The following TFEC variants were observed in gnomAD, a reference collection of about 807,000 sequenced individuals.
TFEC encodes the protein class E basic helix-loop-helix protein 34.
In TFEC, 31 loss-of-function variants were observed where a neutral mutation model predicts 41.6. That is an observed-to-expected ratio of 0.74 (90% CI 0.56 to 1.01). TFEC has a LOEUF of 1.01. TFEC is among the 50% of genes least tolerant of loss of function. TFEC has a pLI of 0.00. For synonymous variants in TFEC, 143 were observed against 140.6 expected (o/e 1.02, Z -0.12); for missense variants, 402 against 404.1 (o/e 0.99, Z 0.04).
intron 3 of TFEC, among the ~76,000 whole-genome samples, chr7:115,964,818 C>T (rs1176564810): frequency 6.6e-6 from 1 of 151,570 alleles, no homozygotes; most frequent in African/African-American, 2.4e-5. Context: ...TTTACAGTAT[C>T]AGTCTATCTC....
intron 5 of TFEC, 120 bp downstream of exon 5, chr7:115,954,466 G>T: frequency 1.6e-6 from 1 of 611,750 alleles, no homozygotes; most frequent in Non-Finnish European, 2.7e-6. Context: ...CAAGTTATAT[G>T]TGCAATTAAT....
chr7:116,101,244 A>G (rs1001041746), intron 3 of TFEC, among the ~76,000 whole-genome samples: 1 of 148,912 alleles, frequency 6.7e-6, no homozygotes, highest in African/African-American at 2.5e-5. Flanking sequence ...GAGGATGGAC[A>G]CAAAGACTGA....
At chr7:115,999,346 C>A (rs368016359) in intron 1 of TFEC, among the ~76,000 whole-genome samples, 3 of 151,712 alleles carry the variant, frequency 2.0e-5, no homozygotes, top group East Asian at 1.9e-4. Flanking sequence ...AAAAGCAGTA[C>A]TAAGAGGAAA....
intron 3 of TFEC, among the ~76,000 whole-genome samples, chr7:116,041,135 T>C (rs1177934150): frequency 1.3e-5 from 2 of 152,158 alleles, no homozygotes; most frequent in East Asian, 1.9e-4. Flanking sequence ...AGTGTTGGTA[T>C]AGACTAGTAT....
chr7:115,971,394 C>T (rs1562901170), intron 3 of TFEC, among the ~76,000 whole-genome samples: 1 of 151,884 alleles, frequency 6.6e-6, no homozygotes, highest in East Asian at 1.9e-4. Flanking sequence ...CTTACATATC[C>T]ATAGGCAAAA....
chr7:116,025,005 G>T (rs1795535107), intron 1 of TFEC, among the ~76,000 whole-genome samples: 1 of 152,044 alleles, frequency 6.6e-6, no homozygotes, highest in African/African-American at 2.4e-5. Flanking sequence ...CACTAAGTGT[G>T]GTCCATTAGG....
In TFEC at chr7:115,940,416, T is replaced by C; in HGVS notation, c.*135A>G. On this transcript the variant is annotated 3_prime_UTR_variant, in exon 8 of 8. Transcript: ENST00000265440. Reference sequence around the variant, plus strand: ...TCTTCCTGCGAATTCTTCTGTTGCTTCTATCAGTTTTTCATGAACAACACA... The same window carrying C: ...TCTTCCTGCGAATTCTTCTGTTGCTCCTATCAGTTTTTCATGAACAACACA... The C allele has an allele frequency of 1.1e-6, 1 of 933,930 alleles. No homozygotes were observed. The highest frequency in any genetic ancestry group is 1.5e-6 in the Non-Finnish European group (1 of 657,164). 57.9% of individuals were successfully genotyped at this position (933,930 alleles called of 1,614,324 possible).
chr7:116,005,923 C>G lies in TFEC; in HGVS notation c.-72-21410G>C, dbSNP rs978588780. Among the ~76,000 whole-genome samples, 10 of 152,206 alleles carry G rather than the reference C, an allele frequency of 6.6e-5. No homozygotes were observed. The South Asian group carries it at 2.1e-3, about 32-fold the overall frequency. On this transcript the variant is annotated intron_variant, in intron 1 of 7. Coordinates refer to ENST00000265440, the MANE Select transcript of TFEC (RefSeq NM_012252.4). ...TGCTCCAGCTGTGACTAAAAGGGGC[C>G]AAGGTACAGCTAGGGCTGTTGCTTC...
chr7:115,977,835 G>A (rs1340380073), intron 2 of TFEC, among the ~76,000 whole-genome samples: 1 of 151,800 alleles, frequency 6.6e-6, no homozygotes, highest in South Asian at 2.1e-4. Context: ...AAGGAGATGA[G>A]ACCATACTAA....
chr7:115,958,068 T>C (rs1352942177), intron 3 of TFEC, among the ~76,000 whole-genome samples: 1 of 151,878 alleles, frequency 6.6e-6, no homozygotes, highest in African/African-American at 2.4e-5. Context: ...CATTATTAAC[T>C]CTATTAGGAC....
At chr7:116,064,080 G>A (rs10270780) in intron 3 of TFEC, among the ~76,000 whole-genome samples, 5 of 151,888 alleles carry the variant, frequency 3.3e-5, no homozygotes, top group East Asian at 1.9e-4. Context: ...GGGATGGAGC[G>A]GGGGGGCAGT....
At chr7:115,942,141 G>A in intron 6 of TFEC, 101 bp from the exon 7 acceptor site, 1 of 1,253,368 alleles carries the variant, frequency 8.0e-7, no homozygotes. Context: ...TGATTTACAT[G>A]ACTATTATTC....
At chr7:115,989,327 G>A (rs187490185) in intron 1 of TFEC, among the ~76,000 whole-genome samples, 75 of 152,338 alleles carry the variant, frequency 4.9e-4, no homozygotes, top group African/African-American at 1.3e-3. Context: ...AACTCCCAGC[G>A]TGAGTGATGC....
chr7:116,127,315 C>G (rs1798232654), intron 1 of TFEC, among the ~76,000 whole-genome samples: 1 of 152,076 alleles, frequency 6.6e-6, no homozygotes, highest in African/African-American at 2.4e-5. Flanking sequence ...GATCTCCTGA[C>G]CTCGTAATCC....
intron 3 of TFEC, among the ~76,000 whole-genome samples, chr7:116,060,844 T>C (rs1036831737): frequency 3.3e-5 from 5 of 151,054 alleles, no homozygotes; most frequent in African/African-American, 9.8e-5. Context: ...CCTTCACATA[T>C]ACCCACAAAC....
chr7:115,961,165 T>C (rs190062699), intron 3 of TFEC, among the ~76,000 whole-genome samples: 12 of 151,804 alleles, frequency 7.9e-5, no homozygotes, highest in African/African-American at 2.9e-4. Flanking sequence ...AATAGACTTG[T>C]ATATAGTTTC....
Position 116,062,225 on chromosome 7 carries a change from C to CTTTTTTTTTTTT in TFEC, c.198+48471_198+48482dup, listed in dbSNP as rs569480964. Reference sequence around the variant, plus strand: ...ACAGGCATGTGCCAACATGCCTGGCCTTTTTTTTTTTTTTTTTTTTTTTTT... The same window carrying CTTTTTTTTTTTT: ...ACAGGCATGTGCCAACATGCCTGGCCTTTTTTTTTTTTTTTTTTTTTTTTTTTTTTTTTTTTT... On this transcript the variant is annotated intron_variant, in intron 3 of 8. Coordinates refer to the TFEC transcript ENST00000484212. Among the ~76,000 whole-genome samples, 234 of 51,912 alleles carry CTTTTTTTTTTTT rather than the reference C, an allele frequency of 4.5e-3. 10 individuals are homozygous for CTTTTTTTTTTTT. The highest frequency in any genetic ancestry group is 6.0e-3 in the African/African-American group (53 of 8,898). The allele number at this position is 51,912 out of a possible 152,430, so 34.1% of individuals were successfully genotyped here.
At position 116,030,707 on chromosome 7, in the gene TFEC, T is replaced by C; in HGVS notation, c.-147A>G. 2.0e-6 allele frequency: 2 copies of C among 985,366 alleles called. No individual in the cohort carries two copies. Among genetic ancestry groups the C allele is most frequent in the Non-Finnish European group, 2.4e-6 (2 of 829,928 alleles). The allele number at this position is 985,366 out of a possible 1,614,324, so 61.0% of individuals were successfully genotyped here. ...AATTATAATCCCTCTTCCCATAACA[T>C]ATGCACCATGCCAGAAGGGACAACC... On this transcript the variant is annotated 5_prime_UTR_variant, in exon 1 of 8. It adds an upstream start codon to the 5' untranslated region. Coordinates refer to ENST00000265440, the MANE Select transcript of TFEC (RefSeq NM_012252.4).
chr7:116,041,090 GCTAA>G (rs1365023096), intron 3 of TFEC, among the ~76,000 whole-genome samples: 1 of 152,064 alleles, frequency 6.6e-6, no homozygotes, highest in Non-Finnish European at 1.5e-5. Flanking sequence ...TTAAAAGTTT[GCTAA>G]CTGAACTATT....
Sources: allele counts gnomAD v4.1 joint callset (sites outside exome capture counted in the v4.1 genomes callset), GRCh38; gene constraint gnomAD v4.1.1; transcripts MANE v1.5; gene names NCBI Gene and HGNC (gene_info 2026-07-23, HGNC 2026-07-21).